The following LVRN variants were observed in gnomAD, a reference collection of about 807,000 sequenced individuals.
LVRN encodes aminopeptidase Q.
LVRN carries 99 observed loss-of-function variants against 111.4 expected under a neutral mutation model. The ratio of observed to expected loss-of-function variants is 0.89; its 90% CI spans 0.76 to 1.05. The LOEUF is 1.05. LVRN is among the 50% of genes least tolerant of loss of function. The pLI is 0.00. For synonymous variants in LVRN, 488 were observed against 449.5 expected, an observed-to-expected ratio of 1.09 and a Z score of -1.08; for missense variants, 1,414 against 1,206.8, an observed-to-expected ratio of 1.17 and a Z score of -2.54.
chr5:115,979,047 G>A (rs1199441662), intron 1 of LVRN, among the ~76,000 whole-genome samples: 7 of 152,034 alleles, frequency 4.6e-5, no homozygotes, highest in Admixed American at 1.3e-4. Flanking sequence ...ACCAAGCAGC[G>A]TATCTCAAAG....
intron 16 of LVRN, 118 bp from the exon 17 acceptor site, chr5:116,015,134 C>G (rs1748572029): frequency 4.2e-6 from 3 of 712,674 alleles, no homozygotes; most frequent in East Asian, 3.2e-5. Flanking sequence ...TAGATTCCTA[C>G]TTTTGACCTT....
At chr5:115,983,233 A>G (rs1036688395) in intron 1 of LVRN, 54 bp from the exon 2 acceptor site, 5 of 1,467,518 alleles carry the variant, frequency 3.4e-6, no homozygotes, top group Non-Finnish European at 3.6e-6. Context: ...ATGTTTTTTT[A>G]TTCCACTGGG....
At chr5:116,010,611 C>T in intron 13 of LVRN, 130 bp from the exon 14 acceptor site, 2 of 950,838 alleles carry the variant, frequency 2.1e-6, no homozygotes, top group Non-Finnish European at 3.3e-6. Flanking sequence ...GGACATTTAC[C>T]TTCTCGTTTC....
chr5:115,974,233 A>G (rs1445941499), intron 1 of LVRN, among the ~76,000 whole-genome samples: 4 of 152,228 alleles, frequency 2.6e-5, no homozygotes, highest in African/African-American at 7.2e-5. Context: ...TTGCCAGATC[A>G]AAAGGCTTAT....
chr5:116,001,684 T>G (rs566935851), intron 10 of LVRN, among the ~76,000 whole-genome samples: 31 of 152,322 alleles, frequency 2.0e-4, no homozygotes, highest in African/African-American at 7.2e-4. Flanking sequence ...TGCAGGGGTG[T>G]GCACGGATGT....
At chr5:116,015,870 C>A in intron 18 of LVRN, 105 bp downstream of exon 18, 1 of 1,377,454 alleles carries the variant, frequency 7.3e-7, no homozygotes, top group Non-Finnish European at 9.8e-7. Flanking sequence ...AGCTAGGCCA[C>A]AAACGTCCTT....
intron 5 of LVRN, among the ~76,000 whole-genome samples, chr5:115,992,751 T>C (rs17138594): frequency 0.089 from 13,510 of 152,258 alleles, 853 homozygotes; most frequent in East Asian, 0.19. Flanking sequence ...ACCCTTGAGC[T>C]GCATTCCCAA....
chr5:115,994,957 C>G (rs1207591181), intron 6 of LVRN, among the ~76,000 whole-genome samples: 2 of 152,198 alleles, frequency 1.3e-5, no homozygotes, highest in East Asian at 3.8e-4. Context: ...CTCTGGTCCT[C>G]AGGATTGCTC....
At position 115,962,928 on chromosome 5, in the gene LVRN, C is replaced by T; in HGVS notation, c.311C>T (p.Pro104Leu). The part of the protein sequence containing the change: ...DQLRLPPWLV[P>L]LHYDLELWPQ... The stretch of plus-strand genomic sequence containing the variant: ...CTACGCCTGCCGCCCTGGCTCGTGC[C>T]GCTGCACTACGATCTGGAGCTGTGG... Residue 104 changes from proline (P) to leucine (L), a missense_variant, in exon 1 of 20, where the codon CCG becomes CTG. By Grantham distance (98) the Pro-to-Leu change is moderately conservative (BLOSUM62 -3). Transcript: ENST00000357872. 1.2e-6 allele frequency: 2 copies of T among 1,612,960 alleles called. No homozygotes were observed. Among genetic ancestry groups the T allele is most frequent in the Non-Finnish European group, 1.7e-6 (2 of 1,179,752 alleles).
At chr5:116,012,711 T>G (rs1321222864) in intron 15 of LVRN, among the ~76,000 whole-genome samples, 3 of 152,338 alleles carry the variant, frequency 2.0e-5, no homozygotes, top group African/African-American at 7.2e-5. Flanking sequence ...AGCTCTATAT[T>G]CTCAAAGCCT....
chr5:115,982,078 C>T (rs1753571356), intron 1 of LVRN, among the ~76,000 whole-genome samples: 1 of 152,102 alleles, frequency 6.6e-6, no homozygotes, highest in African/African-American at 2.4e-5. Flanking sequence ...AGGGCTCGTT[C>T]CAGTCTATGC....
In LVRN at chr5:116,002,864, TA is replaced by T; in HGVS notation, c.1856del (p.Asn619MetfsTer7). On this transcript the variant is annotated frameshift_variant, in exon 11 of 20. Coordinates refer to ENST00000357872, the MANE Select transcript of LVRN (RefSeq NM_173800.5). LOFTEE classifies it high-confidence loss of function. ...ACATGGATTGTCCCTATTCTTTGGA[TA>T]AAAAATGGAACTACACAACCTTTAG... is the stretch of plus-strand genomic sequence containing the variant. ...NDTWIVPILW[I>X]KNGTTQPLVW... The T allele has an allele frequency of 6.2e-7, 1 of 1,610,670 alleles. No homozygotes were observed. Among genetic ancestry groups the T allele is most frequent in the Non-Finnish European group, 8.5e-7 (1 of 1,177,790 alleles).
chr5:115,978,379 G>A (rs1393577474), intron 1 of LVRN, among the ~76,000 whole-genome samples: 1 of 152,156 alleles, frequency 6.6e-6, no homozygotes, highest in Non-Finnish European at 1.5e-5. Flanking sequence ...CGTATAGCTA[G>A]CATATTGAAA....
chr5:115,974,648 G>A (rs1753399862), intron 1 of LVRN: 1 of 157,456 alleles, frequency 6.4e-6, no homozygotes, highest in Non-Finnish European at 1.4e-5. Flanking sequence ...TCATCAATTT[G>A]GTGGCAACCC....
intron 1 of LVRN, chr5:115,975,175 A>G (rs567355984): frequency 2.1e-6 from 1 of 470,510 alleles, no homozygotes; most frequent in Non-Finnish European, 4.2e-6. Flanking sequence ...TTGCCTGGTC[A>G]TAATATTCTG....
chr5:115,997,894 T>C (rs905064331), intron 6 of LVRN, among the ~76,000 whole-genome samples: 5 of 152,160 alleles, frequency 3.3e-5, no homozygotes, highest in Admixed American at 2.0e-4. Context: ...CTCTAGGGTG[T>C]TGAGGAAGAG....
At chr5:115,995,258 A>G (rs1580387912) in intron 6 of LVRN, 1 of 152,076 alleles carries the variant, frequency 6.6e-6, no homozygotes, top group African/African-American at 2.4e-5. Context: ...GTTTGGCAGG[A>G]AAAAAAAGTT....
At chr5:115,980,416 A>G (rs1753538672) in intron 1 of LVRN, among the ~76,000 whole-genome samples, 1 of 152,070 alleles carries the variant, frequency 6.6e-6, no homozygotes, top group South Asian at 2.1e-4. Context: ...TTTGCATAAA[A>G]CTAGGGAGGG....
chr5:115,984,824 C>G, intron 3 of LVRN, 115 bp downstream of exon 3: 2 of 1,393,146 alleles, frequency 1.4e-6, no homozygotes, highest in Non-Finnish European at 1.9e-6. Context: ...TCCTAGTTCT[C>G]TCTCCCAAGC....
Sources: gnomAD v4.1 joint callset for allele counts (sites outside exome capture counted in the v4.1 genomes callset) on GRCh38, gnomAD v4.1.1 for gene constraint, MANE v1.5 for transcripts, NCBI Gene and HGNC (gene_info 2026-07-23, HGNC 2026-07-21) for gene names.